CPEB3: variants seen among roughly 807,000 people sequenced by gnomAD.
CPEB3 encodes the protein cytoplasmic polyadenylation element binding protein 3.
CPEB3 carries 20 observed loss-of-function variants against 67.2 expected under a neutral mutation model. The observed-to-expected ratio is 0.30, with a 90% CI of 0.21 to 0.43. CPEB3 has a LOEUF of 0.43. Ranked by LOEUF, CPEB3 falls within the 20% of genes least tolerant of loss-of-function variation. The pLI is 1.00. For synonymous variants in CPEB3, 376 were observed against 393.1 expected (o/e 0.96, Z 0.51); for missense variants, 746 against 968.6 (o/e 0.77, Z 3.05).
chr10:92,200,029 T>C (rs547896928), intron 2 of CPEB3, among the ~76,000 whole-genome samples: 1 of 152,282 alleles, frequency 6.6e-6, no homozygotes, highest in Admixed American at 6.5e-5. Context: ...TGTAGCCCTC[T>C]GGAAAACCTA....
chr10:92,239,915 C>T lies in CPEB3; in HGVS notation c.436G>A (p.Val146Ile), dbSNP rs1454570467. Residue 146 changes from valine to isoleucine, a missense_variant, in exon 2 of 10, where the codon GTC (valine) becomes ATC (isoleucine). By Grantham distance (29) the Val-to-Ile change is conservative. Around this residue, in one of 2 missense-constraint regions of CPEB3, gnomAD observed 643 missense variants for 717.5 expected, o/e 0.90. Transcript: ENST00000265997. The surrounding 1 kb of genome is among the most constrained non-coding windows in gnomAD (Gnocchi z 6.0). ...FQNFPHHVNP[V>I]FGGTFSPQIG... ...TGCGGGGAGAAAGTGCCTCCGAAGA[C>T]TGGGTTGACATGGTGCGGGAAGTTC... is the stretch of plus-strand genomic sequence containing the variant. 6.2e-7 allele frequency: 1 copy of T among 1,612,920 alleles called. No individual in the cohort carries two copies. Among genetic ancestry groups the T allele is most frequent in the Non-Finnish European group, 8.5e-7 (1 of 1,179,534 alleles).
chr10:92,143,113 T>C lies in CPEB3; in HGVS notation c.1369A>G (p.Ile457Val). 6.2e-7 allele frequency: 1 copy of C among 1,611,772 alleles called. No individual in the cohort carries two copies. Among genetic ancestry groups the C allele is most frequent in the Non-Finnish European group, 8.5e-7 (1 of 1,178,608 alleles). ...GLPPDIDEDE[I>V]TASFRRFGPL... is the part of the protein sequence containing the mutation. ...CCAAACCTGCGAAAGCTGGCAGTGA[T>C]CTCATCTACAAAACAAAGAAAGAAT... Residue 457 changes from isoleucine (I) to valine (V), a missense_variant, in exon 6 of 10, where the codon ATC becomes GTC. By Grantham distance (29) the Ile-to-Val change is conservative. Coordinates refer to ENST00000265997, the MANE Select transcript of CPEB3 (RefSeq NM_014912.5).
intron 2 of CPEB3, among the ~76,000 whole-genome samples, chr10:92,226,526 C>G (rs1449438015): frequency 6.6e-6 from 1 of 152,156 alleles, no homozygotes; most frequent in Non-Finnish European, 1.5e-5. Flanking sequence ...ATCATAAACA[C>G]ACTCAAAAAA....
At chr10:92,200,954 G>C (rs1449729844) in intron 2 of CPEB3, among the ~76,000 whole-genome samples, 1 of 152,198 alleles carries the variant, frequency 6.6e-6, no homozygotes, top group African/African-American at 2.4e-5. Context: ...GGATTCAGCA[G>C]GGTAAATGCT....
In CPEB3 at chr10:92,119,150, C is replaced by T. The variant is rs571186463; in HGVS notation, c.1454-7956G>A. 3 of 1,582,344 alleles carry T rather than the reference C, an allele frequency of 1.9e-6. 1 individual carries two copies. The highest frequency in any genetic ancestry group is 2.7e-5 in the African/African-American group (2 of 74,376). On this transcript the variant is annotated intron_variant, in intron 6 of 9. Transcript: ENST00000265997. ...TCTTACTGTGTTGTCCTCTGTAGGGCCGGCAGCCATATGAAGAACGGAGGT... is the reference window on the plus strand; with the variant it reads ...TCTTACTGTGTTGTCCTCTGTAGGGTCGGCAGCCATATGAAGAACGGAGGT...
At chr10:92,115,059 C>T (rs1299519366) in intron 6 of CPEB3, among the ~76,000 whole-genome samples, 1 of 152,204 alleles carries the variant, frequency 6.6e-6, no homozygotes, top group African/African-American at 2.4e-5. Context: ...GCCGCGGGCG[C>T]GGGGGACGTC....
intron 2 of CPEB3, among the ~76,000 whole-genome samples, chr10:92,207,755 A>G (rs551545286): frequency 5.7e-4 from 87 of 152,266 alleles, no homozygotes; most frequent in African/African-American, 2.0e-3. Flanking sequence ...CTGTAGTCCC[A>G]GCTACTCACA....
chr10:92,187,913 G>A lies in CPEB3; in HGVS notation c.1165+4564C>T, dbSNP rs183917050. Among the ~76,000 whole-genome samples, 76 of 152,250 alleles carry A rather than the reference G, an allele frequency of 5.0e-4. 1 individual carries two copies. Among genetic ancestry groups the A allele is most frequent in the African/African-American group, 1.7e-3 (72 of 41,538 alleles). On this transcript the variant is annotated intron_variant, in intron 3 of 9. Transcript: ENST00000265997. The stretch of plus-strand genomic sequence containing the variant: ...TACTTCGAAAAAGAAATAAGAAACA[G>A]GGCCAGGGCCAGTGGCTCATGCCTA...
Position 92,047,393 on chromosome 10 carries a change from C to G in CPEB3, c.*4819G>C, listed in dbSNP as rs1162216475. On this transcript the variant is annotated 3_prime_UTR_variant, in exon 10 of 10. Transcript: ENST00000265997. Reference sequence around the variant, plus strand: ...ATCTGTGACTAATCTTTCACTCAAACCTTGCAAGTAGAGATGTCACAATAC... The same window carrying G: ...ATCTGTGACTAATCTTTCACTCAAAGCTTGCAAGTAGAGATGTCACAATAC... 6.6e-6 allele frequency: 1 copy of G among 152,116 alleles called. No homozygotes were observed. Among genetic ancestry groups the G allele is most frequent in the Non-Finnish European group, 1.5e-5 (1 of 68,024 alleles). 9.4% of individuals were successfully genotyped at this position (152,116 alleles called of 1,614,324 possible).
chr10:92,074,701 T>C (rs1842874392), intron 9 of CPEB3, among the ~76,000 whole-genome samples: 1 of 152,170 alleles, frequency 6.6e-6, no homozygotes, highest in South Asian at 2.1e-4. Context: ...AAGGGTCATT[T>C]AGGCAATTTT....
At chr10:92,258,925 T>C (rs1025868627) in intron 1 of CPEB3, among the ~76,000 whole-genome samples, 2 of 151,246 alleles carry the variant, frequency 1.3e-5, no homozygotes, top group Non-Finnish European at 2.9e-5. Flanking sequence ...CCCAAAGTGC[T>C]GGGATTACAG....
chr10:92,177,878 A>T (rs1848293107), intron 4 of CPEB3, among the ~76,000 whole-genome samples: 1 of 152,162 alleles, frequency 6.6e-6, no homozygotes, highest in South Asian at 2.1e-4. Context: ...TCAAGAAAGT[A>T]AAAAAAGGAT....
At chr10:92,281,339 C>T (rs1488941951) in intron 1 of CPEB3, among the ~76,000 whole-genome samples, 1 of 151,766 alleles carries the variant, frequency 6.6e-6, no homozygotes, top group Non-Finnish European at 1.5e-5. Context: ...AACTGATTCT[C>T]CCATCTTGCC....
chr10:92,194,261 G>A (rs1019220952), intron 2 of CPEB3, among the ~76,000 whole-genome samples: 2 of 151,750 alleles, frequency 1.3e-5, no homozygotes, highest in African/African-American at 4.8e-5. Flanking sequence ...CCAACAAGGT[G>A]AAACCCTGTC....
chr10:92,066,394 G>A (rs1308994568), intron 9 of CPEB3, among the ~76,000 whole-genome samples: 1 of 148,836 alleles, frequency 6.7e-6, no homozygotes, highest in African/African-American at 2.6e-5. Context: ...AAAATAAATA[G>A]ATAGACAGAT....
chr10:92,258,775 A>C (rs1852657253), intron 1 of CPEB3, among the ~76,000 whole-genome samples: 1 of 150,244 alleles, frequency 6.7e-6, no homozygotes. Flanking sequence ...CTCTTGACTC[A>C]GCTTCCTGAG....
At chr10:92,127,977 C>T (rs937497193) in intron 6 of CPEB3, among the ~76,000 whole-genome samples, 6 of 152,126 alleles carry the variant, frequency 3.9e-5, no homozygotes, top group Admixed American at 6.5e-5. Context: ...AAGTTCACAA[C>T]CACAATGTAC....
At chr10:92,222,078 C>T (rs1357426344) in intron 2 of CPEB3, among the ~76,000 whole-genome samples, 1 of 152,038 alleles carries the variant, frequency 6.6e-6, no homozygotes, top group Admixed American at 6.6e-5. Context: ...TTTTATCTTC[C>T]CTATAAAAAA....
intron 2 of CPEB3, among the ~76,000 whole-genome samples, chr10:92,194,774 G>A (rs549499214): frequency 1.3e-5 from 2 of 152,120 alleles, no homozygotes; most frequent in Non-Finnish European, 2.9e-5. Flanking sequence ...AGGCACGGTG[G>A]CTCACGCCTG....
Sources: allele counts gnomAD v4.1 joint callset (sites outside exome capture counted in the v4.1 genomes callset), GRCh38; gene constraint gnomAD v4.1.1; regional missense constraint gnomAD v4.1.1; non-coding constraint Gnocchi (gnomAD v3.1); transcripts MANE v1.5; gene names NCBI Gene and HGNC (gene_info 2026-07-23, HGNC 2026-07-21).